Variants in CACNA1H observed in about 807,000 individuals in gnomAD.
CACNA1H encodes calcium voltage-gated channel subunit alpha1 H.
A neutral mutation model predicts 192.5 loss-of-function variants in CACNA1H; 149 were observed. The ratio of observed to expected loss-of-function variants is 0.77; its 90% CI spans 0.68 to 0.89. CACNA1H has a LOEUF of 0.89. CACNA1H is among the 40% of genes least tolerant of loss of function. CACNA1H has a pLI of 0.00. For missense variants in CACNA1H, 4,257 were observed against 3,423.5 expected, an observed-to-expected ratio of 1.24 and a Z score of -6.08; for synonymous variants, 2,202 against 1,475.2, an observed-to-expected ratio of 1.49 and a Z score of -11.29.
intron 34 of CACNA1H, among the ~76,000 whole-genome samples, chr16:1,219,662 C>T (rs1970322809): frequency 6.6e-6 from 1 of 152,234 alleles, no homozygotes; most frequent in African/African-American, 2.4e-5. Context: ...GAGCCCCATC[C>T]TGGGGGTGCC....
chr16:1,186,110 G>A (rs113964565), intron 2 of CACNA1H, among the ~76,000 whole-genome samples: 13 of 98,520 alleles, frequency 1.3e-4, no homozygotes, highest in Admixed American at 2.0e-4. Context: ...GACGGCGTGC[G>A]TAGGGGCCGG....
At chr16:1,189,699 G>A (rs1248258069) in intron 2 of CACNA1H, among the ~76,000 whole-genome samples, 2 of 152,066 alleles carry the variant, frequency 1.3e-5, no homozygotes, top group Non-Finnish European at 2.9e-5. Flanking sequence ...CTGGGATTAT[G>A]GGTGTGAACC....
intron 2 of CACNA1H, among the ~76,000 whole-genome samples, chr16:1,179,804 C>G (rs1030162855): frequency 1.9e-4 from 27 of 140,636 alleles, no homozygotes; most frequent in Admixed American, 1.8e-3. Flanking sequence ...GCGTGATCTC[C>G]GCTCACTGCA....
chr16:1,202,139 C>T lies in CACNA1H; in HGVS notation c.1689C>T (p.Gly563=), dbSNP rs1280960785. 2 of 1,548,816 alleles carry T rather than the reference C, an allele frequency of 1.3e-6. No individual in the cohort carries two copies. Among genetic ancestry groups the T allele is most frequent in the Admixed American group, 2.0e-5 (1 of 51,058 alleles). ...AGAPPSPPSP[G]RGPPDAESVH... Reference sequence around the variant, plus strand: ...CGCCCCCCTCGCCACCTTCCCCAGGCCGCGGACCCCCCGACGCAGAGTCTG... The same window carrying T: ...CGCCCCCCTCGCCACCTTCCCCAGGTCGCGGACCCCCCGACGCAGAGTCTG... Residue 563 remains glycine (G), a synonymous_variant, in exon 9 of 35, where the codon GGC becomes GGT. Transcript: ENST00000348261.
chr16:1,177,426 G>A (rs1050851979), intron 2 of CACNA1H, among the ~76,000 whole-genome samples: 13 of 152,218 alleles, frequency 8.5e-5, no homozygotes, highest in African/African-American at 2.4e-4. Context: ...CCACCCTGCC[G>A]TCGCCCCGGA....
intron 24 of CACNA1H, 30 bp downstream of exon 24, chr16:1,211,835 C>T (rs1172414684): frequency 1.2e-6 from 2 of 1,611,110 alleles, no homozygotes; most frequent in Admixed American, 1.7e-5. Context: ...GCTGGGTCAC[C>T]TCAGGGTCTC....
At chr16:1,170,382 C>T (rs779920941) in intron 2 of CACNA1H, among the ~76,000 whole-genome samples, 2 of 152,306 alleles carry the variant, frequency 1.3e-5, no homozygotes, top group East Asian at 1.9e-4. Context: ...CCGAGGAATC[C>T]GGGGTAACAC....
chr16:1,198,784 C>A lies in CACNA1H; in HGVS notation c.803+10C>A. ...ACAGTGCCTTTGTCAGGTGCCCAGG[C>A]CCCACCCCCGTGAGGCCCCTGCCCA... is the stretch of plus-strand genomic sequence containing the variant. On this transcript the variant is annotated intron_variant, in intron 6 of 34. Transcript: ENST00000348261. 6.2e-7 allele frequency: 1 copy of A among 1,605,448 alleles called. No individual in the cohort carries two copies. Among genetic ancestry groups the A allele is most frequent in the Non-Finnish European group, 8.5e-7 (1 of 1,177,028 alleles).
At position 1,200,564 on chromosome 16, in the gene CACNA1H, T is replaced by A. The variant is rs754903643; in HGVS notation, c.1112T>A (p.Ile371Asn). ...FDNIGYAWIA[I>N]FQVITLEGWV... ...AACATCGGCTACGCCTGGATTGCCA[T>A]CTTCCAGGTGGGCGGCAAGATGGTG... Residue 371 changes from isoleucine (I) to asparagine (N), a missense_variant, in exon 7 of 35, where the codon ATC (isoleucine) becomes AAC (asparagine). Physicochemically the swap from Ile to Asn is moderately radical, Grantham distance 149. Coordinates refer to ENST00000348261, the MANE Select transcript of CACNA1H (RefSeq NM_021098.3). 6.2e-7 allele frequency: 1 copy of A among 1,611,786 alleles called. No individual in the cohort carries two copies. The highest frequency in any genetic ancestry group is 8.5e-7 in the Non-Finnish European group (1 of 1,179,606).
At position 1,201,929 on chromosome 16, in the gene CACNA1H, T is replaced by G; in HGVS notation, c.1479T>G (p.Ser493Arg). ...QSRWRKKVDP[S>R]AVQGQGPGHR... ...GCTGGCGCAAGAAGGTGGACCCCAG[T>G]GCTGTGCAAGGCCAGGGTCCCGGGC... The change falls in exon 9 of 35, where the codon AGT becomes AGG. Residue 493 changes from serine (S) to arginine (R), a missense_variant. By Grantham distance (110) the Ser-to-Arg change is moderately radical (BLOSUM62 -1). Transcript: ENST00000348261. 6.5e-7 allele frequency: 1 copy of G among 1,549,862 alleles called. No homozygotes were observed. The highest frequency in any genetic ancestry group is 8.7e-7 in the Non-Finnish European group (1 of 1,146,802).
intron 2 of CACNA1H, among the ~76,000 whole-genome samples, chr16:1,183,417 C>A (rs1032413239): frequency 1.3e-5 from 2 of 152,312 alleles, no homozygotes; most frequent in Middle Eastern, 3.4e-3. Context: ...CCCCTCCCCC[C>A]AGCCCTGACC....
At position 1,197,284 on chromosome 16, in the gene CACNA1H, G is replaced by A. The variant is rs372544838; in HGVS notation, c.643+1261G>A. 3.1e-4 allele frequency among the ~76,000 whole-genome samples: 47 copies of A among 152,334 alleles called. 1 individual carries two copies. Among genetic ancestry groups the A allele is most frequent in the African/African-American group, 1.1e-3 (45 of 41,592 alleles). ...TGACCCCAAGGGTGGCTGAGCGTGC[G>A]GTGAGGGGACGCGTGTGTGGCTCTT... On this transcript the variant is annotated intron_variant, in intron 5 of 34. Transcript: ENST00000348261.
At chr16:1,161,884 C>T (rs1963238813) in intron 2 of CACNA1H, among the ~76,000 whole-genome samples, 1 of 152,088 alleles carries the variant, frequency 6.6e-6, no homozygotes, top group South Asian at 2.1e-4. Flanking sequence ...TGGGGTGGGC[C>T]TGGTCGGACG....
intron 2 of CACNA1H, among the ~76,000 whole-genome samples, chr16:1,163,441 C>T (rs1963431822): frequency 1.3e-5 from 2 of 152,236 alleles, no homozygotes; most frequent in Admixed American, 6.5e-5. Context: ...GTGCCCAGCC[C>T]CCTCTGAAGC....
Position 1,208,007 on chromosome 16 carries a change from C to T in CACNA1H, c.3155-6C>T, listed in dbSNP as rs1172532833. 1.9e-6 allele frequency: 3 copies of T among 1,598,540 alleles called. No homozygotes were observed. Among genetic ancestry groups the T allele is most frequent in the East Asian group, 2.3e-5 (1 of 44,078 alleles). On this transcript the variant is annotated splice_region_variant and splice_polypyrimidine_tract_variant and intron_variant, in intron 15 of 34. Transcript: ENST00000348261. ...CTAGGGGCCCATTCCTCCCTCTGTC[C>T]CGCAGAGCTGAAGATGTGTTCCCTG...
chr16:1,190,511 C>T (rs1966506987), intron 2 of CACNA1H, among the ~76,000 whole-genome samples: 1 of 151,946 alleles, frequency 6.6e-6, no homozygotes, highest in Admixed American at 6.5e-5. Flanking sequence ...TAGGCAGAGC[C>T]CCAGGGGGGC....
At chr16:1,162,126 C>T (rs772677819) in intron 2 of CACNA1H, among the ~76,000 whole-genome samples, 132 of 152,216 alleles carry the variant, frequency 8.7e-4, no homozygotes, top group Admixed American at 3.2e-3. Flanking sequence ...GGGGACTCCT[C>T]GTCCCCACTC....
chr16:1,211,636 G>T lies in CACNA1H; in HGVS notation c.4476+30G>T, dbSNP rs72552044. ...GCTGGGCGGCCGGGCGGGAGCTGGG[G>T]GTCTCCAGGACACCCTGGAGCGAGA... is the stretch of plus-strand genomic sequence containing the variant. On this transcript the variant is annotated intron_variant, in intron 23 of 34. Coordinates refer to ENST00000348261, the MANE Select transcript of CACNA1H (RefSeq NM_021098.3). 5,835 of 1,609,548 alleles carry T rather than the reference G, an allele frequency of 3.6e-3. 174 individuals are homozygous for T. In the African/African-American group the frequency reaches 0.067, roughly 19 times the overall value.
Position 1,209,289 on chromosome 16 carries a change from C to G in CACNA1H, c.3621C>G (p.Ala1207=). The G allele has an allele frequency of 6.3e-7, 1 of 1,574,834 alleles. No individual in the cohort carries two copies. The highest frequency in any genetic ancestry group is 1.1e-5 in the South Asian group (1 of 87,772). Residue 1207 remains alanine (A), a synonymous_variant, in exon 17 of 35, where the codon GCC becomes GCG. Transcript: ENST00000348261. ...TGGACCCACGGCCCCTGCGGCCGGC[C>G]GCCCTCCCGCCTACCAAGTGCCGCG... ...ESLDPRPLRP[A]ALPPTKCRDR...
Sources: gnomAD v4.1 joint callset for allele counts (sites outside exome capture counted in the v4.1 genomes callset) on GRCh38, gnomAD v4.1.1 for gene constraint, MANE v1.5 for transcripts, NCBI Gene and HGNC (gene_info 2026-07-23, HGNC 2026-07-21) for gene names.